The following DSCAM variants were observed in gnomAD, a reference collection of about 807,000 sequenced individuals.
DSCAM encodes the protein DS cell adhesion molecule.
In DSCAM, 47 loss-of-function variants were observed where a neutral mutation model predicts 217.7. The observed-to-expected ratio is 0.22, with a 90% CI of 0.17 to 0.28. DSCAM has a LOEUF of 0.28. DSCAM is among the 10% of genes least tolerant of loss of function. DSCAM has a pLI of 1.00. For synonymous variants in DSCAM, 1,056 were observed against 1,015.3 expected (o/e 1.04, Z -0.76); for missense variants, 2,080 against 2,618.3 (o/e 0.79, Z 4.49).
intron 3 of DSCAM, among the ~76,000 whole-genome samples, chr21:40,433,491 T>C (rs1457511649): frequency 6.6e-6 from 1 of 152,194 alleles, no homozygotes; most frequent in African/African-American, 2.4e-5. Context: ...CGGGACTGCA[T>C]TTTTCTTTGA....
At chr21:40,660,885 A>C (rs1398087938) in intron 3 of DSCAM, among the ~76,000 whole-genome samples, 1 of 152,170 alleles carries the variant, frequency 6.6e-6, no homozygotes, top group East Asian at 1.9e-4. Context: ...TGCTGAAGAA[A>C]AGCAGCCTCC....
At chr21:40,737,495 G>T (rs900260915) in intron 1 of DSCAM, among the ~76,000 whole-genome samples, 1 of 152,132 alleles carries the variant, frequency 6.6e-6, no homozygotes, top group South Asian at 2.1e-4. Context: ...ACAAAAATTA[G>T]CTGGGCATAG....
At chr21:40,284,966 A>G (rs2073807160) in intron 10 of DSCAM, among the ~76,000 whole-genome samples, 1 of 152,240 alleles carries the variant, frequency 6.6e-6, no homozygotes, top group South Asian at 2.1e-4. Context: ...GTGTCTAATC[A>G]GGATTTGTTA....
chr21:40,368,173 C>T (rs1286545448), intron 4 of DSCAM, among the ~76,000 whole-genome samples: 2 of 152,176 alleles, frequency 1.3e-5, no homozygotes, highest in Admixed American at 6.5e-5. Flanking sequence ...CCTCCTACCT[C>T]GAATCCTTCC....
intron 3 of DSCAM, among the ~76,000 whole-genome samples, chr21:40,408,737 CCTGT>C (rs2075299086): frequency 6.6e-6 from 1 of 152,152 alleles, no homozygotes; most frequent in Non-Finnish European, 1.5e-5. Flanking sequence ...ATGCAGTACC[CCTGT>C]CTGACACACA....
rs548037092 is a variant in DSCAM, at chr21:40,551,121, G to A, written c.508+141689C>T. On this transcript the variant is annotated intron_variant, in intron 3 of 32. Transcript: ENST00000400454. ...TCTGAGCCAAATACCAATGACCATGGCCTGAGGCATAGCCTCAAGAAGTCC... is the reference window on the plus strand; with the variant it reads ...TCTGAGCCAAATACCAATGACCATGACCTGAGGCATAGCCTCAAGAAGTCC... Among the ~76,000 whole-genome samples the A allele has an allele frequency of 1.2e-4, 19 of 152,308 alleles. No homozygotes were observed. In the South Asian group the frequency reaches 3.9e-3, roughly 32 times the overall value.
intron 3 of DSCAM, among the ~76,000 whole-genome samples, chr21:40,689,006 C>T (rs1003058104): frequency 2.0e-5 from 3 of 152,160 alleles, no homozygotes; most frequent in African/African-American, 7.2e-5. Context: ...TCAATGCAGG[C>T]CCTAATGTGC....
Position 40,383,721 on chromosome 21 carries a change from A to T in DSCAM, c.509-14476T>A, listed in dbSNP as rs1268159467. On this transcript the variant is annotated intron_variant, in intron 3 of 32. Coordinates refer to ENST00000400454, the MANE Select transcript of DSCAM (RefSeq NM_001389.5). ...TTGTATCTGACTAGAATTTAATATT[A>T]TTGTTTTTCTTTCATTGTATTGCAT... 3.3e-5 allele frequency: 5 copies of T among 152,122 alleles called. No individual in the cohort carries two copies. The East Asian group carries it at 9.7e-4, about 29-fold the overall frequency. The allele number at this position is 152,122 out of a possible 1,614,324, so 9.4% of individuals were successfully genotyped here.
intron 3 of DSCAM, among the ~76,000 whole-genome samples, chr21:40,642,547 G>GCCTCTTCACAAGCTCTC (rs1415258725): frequency 6.6e-6 from 1 of 152,130 alleles, no homozygotes; most frequent in African/African-American, 2.4e-5. Flanking sequence ...CCAGGGATCT[G>GCCTCTTCACAAGCTCTC]CCTCTTCACA....
chr21:40,410,342 C>T (rs759560694), intron 3 of DSCAM, among the ~76,000 whole-genome samples: 8 of 151,696 alleles, frequency 5.3e-5, no homozygotes, highest in Non-Finnish European at 8.8e-5. Context: ...TAAAAATGAA[C>T]AAAGCATCAA....
At chr21:40,709,505 A>G (rs1601156184) in intron 1 of DSCAM, among the ~76,000 whole-genome samples, 1 of 152,056 alleles carries the variant, frequency 6.6e-6, no homozygotes, top group East Asian at 1.9e-4. Flanking sequence ...CCCAACCCCA[A>G]CAGGCCCCGG....
chr21:40,453,244 A>C (rs781772112), intron 3 of DSCAM, among the ~76,000 whole-genome samples: 65 of 152,238 alleles, frequency 4.3e-4, no homozygotes, highest in Admixed American at 9.8e-4. Context: ...GTACTCCCTT[A>C]TCTCTTTCAG....
At chr21:40,612,918 T>G (rs1402751883) in intron 3 of DSCAM, among the ~76,000 whole-genome samples, 1 of 152,204 alleles carries the variant, frequency 6.6e-6, no homozygotes, top group Non-Finnish European at 1.5e-5. Flanking sequence ...CTTCATTTTT[T>G]CTTTCCAGGT....
At chr21:40,741,498 A>T (rs2091123379) in intron 1 of DSCAM, among the ~76,000 whole-genome samples, 1 of 152,120 alleles carries the variant, frequency 6.6e-6, no homozygotes. Context: ...TACCAACAAC[A>T]TCAGCCTTAC....
intron 20 of DSCAM, among the ~76,000 whole-genome samples, chr21:40,110,209 G>A (rs2146633052): frequency 6.6e-6 from 1 of 152,278 alleles, no homozygotes; most frequent in Admixed American, 6.5e-5. Context: ...GTACTCCTCT[G>A]AGACAAAATT....
chr21:40,603,772 T>C (rs374707520), intron 3 of DSCAM, among the ~76,000 whole-genome samples: 3 of 152,242 alleles, frequency 2.0e-5, no homozygotes, highest in South Asian at 4.1e-4. Context: ...CTCTCTTACT[T>C]GTGTAGCTTG....
chr21:40,122,487 T>C (rs913519246), intron 20 of DSCAM, among the ~76,000 whole-genome samples: 2 of 152,218 alleles, frequency 1.3e-5, no homozygotes, highest in Non-Finnish European at 1.5e-5. Context: ...GAGTATACTT[T>C]ATTTCAGCAA....
chr21:40,636,545 T>C (rs2089761513), intron 3 of DSCAM, among the ~76,000 whole-genome samples: 1 of 152,158 alleles, frequency 6.6e-6, no homozygotes, highest in South Asian at 2.1e-4. Context: ...GAATCTTCCA[T>C]ACCAAATTTT....
chr21:40,449,194 G>A (rs1303098387), intron 3 of DSCAM, among the ~76,000 whole-genome samples: 1 of 152,040 alleles, frequency 6.6e-6, no homozygotes, highest in African/African-American at 2.4e-5. Context: ...GGGCCCACCT[G>A]GATAATAGAG....
Sources: gnomAD v4.1 joint callset for allele counts (sites outside exome capture counted in the v4.1 genomes callset) on GRCh38, gnomAD v4.1.1 for gene constraint, MANE v1.5 for transcripts, NCBI Gene and HGNC (gene_info 2026-07-23, HGNC 2026-07-21) for gene names.